AK8: variants seen among roughly 807,000 people sequenced by gnomAD.
AK8 encodes adenylate kinase 8.
In AK8, 44 loss-of-function variants were observed where a neutral mutation model predicts 54.6. That is an observed-to-expected ratio of 0.81 (90% CI 0.63 to 1.04). The LOEUF (loss-of-function observed/expected upper bound fraction) is 1.04. Among genes scored for constraint, AK8 ranks in the 50% least tolerant of loss-of-function variants. The probability of loss-of-function intolerance (pLI) is 0.00; values close to 1 mark genes in which losing one functional copy is unlikely to be tolerated. For missense variants in AK8, 555 were observed against 613.6 expected (o/e 0.90, Z 1.01); for synonymous variants, 239 against 245.6 (o/e 0.97, Z 0.25).
chr9:132,854,797 C>T (rs774731889), intron 5 of AK8, 60 bp downstream of exon 5: 2 of 1,575,272 alleles, frequency 1.3e-6, no homozygotes, highest in Non-Finnish European at 1.7e-6. Flanking sequence ...GAGATGAACA[C>T]ACGCCCTTCA....
intron 7 of AK8, chr9:132,827,716 TC>T: frequency 2.4e-6 from 1 of 413,138 alleles, no homozygotes; most frequent in Non-Finnish European, 4.4e-6. Flanking sequence ...GGCAGACATG[TC>T]CCCTGGCTCC....
chr9:132,748,197 G>C (rs1224663046), intron 11 of AK8, among the ~76,000 whole-genome samples: 1 of 151,688 alleles, frequency 6.6e-6, no homozygotes, highest in Non-Finnish European at 1.5e-5. Context: ...CAACATAATG[G>C]TGATAACACG....
At chr9:132,755,374 C>T (rs989599679) in intron 11 of AK8, among the ~76,000 whole-genome samples, 2 of 152,156 alleles carry the variant, frequency 1.3e-5, no homozygotes, top group Non-Finnish European at 2.9e-5. Flanking sequence ...CCGAGCGCCT[C>T]GACCCGTCCC....
intron 3 of AK8, among the ~76,000 whole-genome samples, chr9:132,865,300 A>T (rs1843542560): frequency 6.6e-6 from 1 of 152,220 alleles, no homozygotes; most frequent in Admixed American, 6.5e-5. Context: ...AGTATAGCAG[A>T]TGCAGGTTAG....
chr9:132,793,123 G>C (rs1312842738), intron 10 of AK8, among the ~76,000 whole-genome samples: 2 of 152,146 alleles, frequency 1.3e-5, no homozygotes, highest in Admixed American at 6.5e-5. Context: ...TGGGTGTCTG[G>C]GGAGTCTAAG....
intron 5 of AK8, among the ~76,000 whole-genome samples, chr9:132,853,419 A>G (rs1189253060): frequency 6.6e-6 from 1 of 151,998 alleles, no homozygotes; most frequent in African/African-American, 2.4e-5. Context: ...AAAAATCTTG[A>G]AAGTAGTCAG....
In AK8 at chr9:132,826,469, T is replaced by C. The variant is rs1196059805; in HGVS notation, c.757+385A>G. Among the ~76,000 whole-genome samples the C allele has an allele frequency of 1.3e-5, 2 of 152,022 alleles. No homozygotes were observed. Among genetic ancestry groups the C allele is most frequent in the Non-Finnish European group, 2.9e-5 (2 of 67,996 alleles). ...ATTGTGTTGTGTGTGGTGGTGGTGG[T>C]TTTGTTTTTGTCTTAATCTTTATAT... is the stretch of plus-strand genomic sequence containing the variant. On this transcript the variant is annotated intron_variant, in intron 8 of 12. Transcript: ENST00000298545. This position sits in a 1 kb window ranked among gnomAD's most constrained non-coding sequence, Gnocchi z 4.5.
chr9:132,782,466 G>A (rs1202448688), intron 11 of AK8, among the ~76,000 whole-genome samples: 1 of 152,124 alleles, frequency 6.6e-6, no homozygotes, highest in African/African-American at 2.4e-5. Flanking sequence ...AGGGCGGGTG[G>A]ATCACCTGAG....
At chr9:132,813,960 C>T (rs1013432863) in intron 10 of AK8, among the ~76,000 whole-genome samples, 1 of 152,118 alleles carries the variant, frequency 6.6e-6, no homozygotes, top group Non-Finnish European at 1.5e-5. Context: ...TATTTGCCCA[C>T]AGTATTTTTA....
chr9:132,811,785 C>T (rs1225118865), intron 10 of AK8, among the ~76,000 whole-genome samples: 1 of 152,154 alleles, frequency 6.6e-6, no homozygotes, highest in East Asian at 1.9e-4. Flanking sequence ...AATAAGATCA[C>T]CAGGGATGTT....
intron 10 of AK8, among the ~76,000 whole-genome samples, chr9:132,814,410 G>T (rs1385484691): frequency 6.6e-6 from 1 of 151,122 alleles, no homozygotes; most frequent in African/African-American, 2.4e-5. Flanking sequence ...TAAACCATCA[G>T]GGATAACCCC....
At chr9:132,794,240 C>T (rs1417082410) in intron 10 of AK8, among the ~76,000 whole-genome samples, 3 of 152,212 alleles carry the variant, frequency 2.0e-5, no homozygotes, top group South Asian at 2.1e-4. Context: ...GAAGTCACTT[C>T]AGCGAATCCC....
chr9:132,873,612 G>A (rs181109221), intron 2 of AK8, among the ~76,000 whole-genome samples: 485 of 152,098 alleles, frequency 3.2e-3, no homozygotes, highest in Non-Finnish European at 5.2e-3. Flanking sequence ...TCCCTTTGCG[G>A]TCCATTCTTT....
At chr9:132,750,724 A>G (rs943237495) in intron 11 of AK8, among the ~76,000 whole-genome samples, 2 of 151,974 alleles carry the variant, frequency 1.3e-5, no homozygotes, top group African/African-American at 4.8e-5. Flanking sequence ...TTCAGAGAGA[A>G]GCTCCCTTAG....
At chr9:132,848,059 C>T (rs1245292252) in intron 5 of AK8, among the ~76,000 whole-genome samples, 2 of 138,266 alleles carry the variant, frequency 1.4e-5, no homozygotes, top group African/African-American at 2.7e-5. Flanking sequence ...GGGGCTGCAG[C>T]GAGCCATGAC....
intron 4 of AK8, among the ~76,000 whole-genome samples, chr9:132,858,352 CT>C (rs1385810011): frequency 6.6e-6 from 1 of 152,262 alleles, no homozygotes; most frequent in Non-Finnish European, 1.5e-5. Flanking sequence ...GGCTCTGCCC[CT>C]GGGGCGTCAC....
intron 11 of AK8, among the ~76,000 whole-genome samples, chr9:132,757,638 C>T (rs965525277): frequency 2.7e-4 from 41 of 152,154 alleles, no homozygotes; most frequent in Non-Finnish European, 8.8e-5. Flanking sequence ...ACTGAGGCTC[C>T]GAAAGGCGGC....
chr9:132,827,335 G>A (rs1308217661), intron 7 of AK8: 5 of 498,238 alleles, frequency 1.0e-5, no homozygotes, highest in Non-Finnish European at 1.8e-5. Context: ...ATAGGCACCT[G>A]CAGACTCCCA....
intron 5 of AK8, among the ~76,000 whole-genome samples, chr9:132,832,762 C>G (rs139601551): frequency 1.3e-5 from 2 of 152,274 alleles, no homozygotes; most frequent in Admixed American, 1.3e-4. Flanking sequence ...GACTTTTCAC[C>G]AGAGAAAGCG....
Sources: gnomAD v4.1 joint callset for allele counts (sites outside exome capture counted in the v4.1 genomes callset) on GRCh38, gnomAD v4.1.1 for gene constraint, Gnocchi (gnomAD v3.1) non-coding constraint, MANE v1.5 for transcripts, NCBI Gene and HGNC (gene_info 2026-07-23, HGNC 2026-07-21) for gene names.